TNRC6C: variants seen among roughly 807,000 people sequenced by gnomAD.
TNRC6C encodes the protein trinucleotide repeat-containing gene 6C protein.
A neutral mutation model predicts 153.7 loss-of-function variants in TNRC6C; 20 were observed. The observed-to-expected ratio is 0.13, with a 90% confidence interval of 0.09 to 0.19. TNRC6C has a LOEUF of 0.19. Ranked by LOEUF, TNRC6C falls within the 10% of genes least tolerant of loss-of-function variation. TNRC6C has a pLI of 1.00. For missense variants in TNRC6C, 1,987 were observed against 2,172.0 expected, an observed-to-expected ratio of 0.91 and a Z score of 1.69; for synonymous variants, 811 against 841.4, an observed-to-expected ratio of 0.96 and a Z score of 0.63.
intron 2 of TNRC6C, among the ~76,000 whole-genome samples, chr17:78,044,091 CTT>C (rs1188411207): frequency 6.6e-6 from 1 of 152,150 alleles, no homozygotes; most frequent in Non-Finnish European, 1.5e-5. Flanking sequence ...GGTAGTATAA[CTT>C]ATTATCAAAC....
chr17:77,981,588 G>A (rs1046737709), intron 1 of TNRC6C, among the ~76,000 whole-genome samples: 3 of 152,208 alleles, frequency 2.0e-5, no homozygotes, highest in Non-Finnish European at 4.4e-5. Flanking sequence ...TCAGGTCTTT[G>A]TAATTTATAT....
At chr17:78,085,817 T>A (rs2144488507) in intron 11 of TNRC6C, among the ~76,000 whole-genome samples, 1 of 151,372 alleles carries the variant, frequency 6.6e-6, no homozygotes, top group African/African-American at 2.4e-5. Flanking sequence ...TCAGTCTCCA[T>A]CATTATAGAA....
At chr17:77,976,273 G>C (rs1191459561) in intron 1 of TNRC6C, among the ~76,000 whole-genome samples, 2 of 152,172 alleles carry the variant, frequency 1.3e-5, no homozygotes, top group Non-Finnish European at 2.9e-5. Flanking sequence ...TCATAGACAT[G>C]ACTATAGTAA....
At chr17:78,029,225 T>C (rs769978651) in intron 1 of TNRC6C, among the ~76,000 whole-genome samples, 1 of 152,234 alleles carries the variant, frequency 6.6e-6, no homozygotes, top group Non-Finnish European at 1.5e-5. Flanking sequence ...AATTCAGTAG[T>C]ACGATCATAC....
rs926806539 is a variant in TNRC6C, at chr17:78,079,446, A to G, written c.3262A>G (p.Arg1088Gly). 4 of 1,613,988 alleles carry G rather than the reference A, an allele frequency of 2.5e-6. No homozygotes were observed. The highest frequency in any genetic ancestry group is 3.4e-6 in the Non-Finnish European group (4 of 1,179,882). ...TGGCAATAGTGGAGCAGCACAAGCCAGGACCATGCAGCAGCCGCCACAGCC... is the reference window on the plus strand; with the variant it reads ...TGGCAATAGTGGAGCAGCACAAGCCGGGACCATGCAGCAGCCGCCACAGCC... The change falls in exon 10 of 20, where the codon AGG (arginine) becomes GGG (glycine). Residue 1088 changes from arginine (R) to glycine (G), a missense_variant. Arg to Gly is a moderately radical substitution (Grantham distance 125). Around this residue, in one of 4 missense-constraint regions of TNRC6C, gnomAD observed 765 missense variants for 908.6 expected, o/e 0.84. Coordinates refer to ENST00000301624, the Ensembl canonical transcript of TNRC6C. This position sits in a 1 kb window ranked among gnomAD's most constrained non-coding sequence, Gnocchi z 4.3.
At chr17:78,082,872 G>A (rs1238370028) in intron 10 of TNRC6C, among the ~76,000 whole-genome samples, 175 bp from the exon 13 acceptor site, 1 of 152,156 alleles carries the variant, frequency 6.6e-6, no homozygotes, top group Non-Finnish European at 1.5e-5. Flanking sequence ...AGTCCTGCAT[G>A]CAATTTTGTA....
intron 2 of TNRC6C, among the ~76,000 whole-genome samples, chr17:78,040,759 T>C (rs550547050): frequency 3.3e-5 from 5 of 152,228 alleles, no homozygotes; most frequent in South Asian, 2.1e-4. Context: ...ATCGAAAGAA[T>C]TTAAAGAGGA....
intron 1 of TNRC6C, among the ~76,000 whole-genome samples, chr17:78,018,451 T>C (rs1198133124): frequency 1.3e-5 from 2 of 152,108 alleles, no homozygotes; most frequent in African/African-American, 4.8e-5. Context: ...TTTTATATAA[T>C]ACTCAGTATT....
Position 78,104,247 on chromosome 17 carries a change from C to T in TNRC6C, c.4713-238C>T, listed in dbSNP as rs1325443688. Among the ~76,000 whole-genome samples the T allele has an allele frequency of 6.6e-6, 1 of 152,216 alleles. No homozygotes were observed. Among genetic ancestry groups the T allele is most frequent in the Admixed American group, 6.5e-5 (1 of 15,290 alleles). On this transcript the variant is annotated intron_variant, in intron 19 of 19. Coordinates refer to ENST00000301624, the Ensembl canonical transcript of TNRC6C. The surrounding 1 kb of genome is among the most constrained non-coding windows in gnomAD (Gnocchi z 6.2). ...AAATGACACTGACCCTAAACGAGCC[C>T]ACATTTAATGATCTGTTCACGCACT...
At chr17:77,999,958 C>A (rs2071386398), upstream of TNRC6C, among the ~76,000 whole-genome samples, 1 of 151,856 alleles carries the variant, frequency 6.6e-6, no homozygotes, top group Admixed American at 6.6e-5. Context: ...TCGCTGGTCT[C>A]TCTCATACTC....
At chr17:78,022,939 T>G (rs371424345) in intron 1 of TNRC6C, among the ~76,000 whole-genome samples, 1 of 152,220 alleles carries the variant, frequency 6.6e-6, no homozygotes, top group Admixed American at 6.5e-5. Flanking sequence ...TAACAGCTAT[T>G]TATATAGCAT....
chr17:77,991,208 C>G (rs142883529), intron 1 of TNRC6C, among the ~76,000 whole-genome samples: 6 of 152,322 alleles, frequency 3.9e-5, no homozygotes, highest in African/African-American at 1.2e-4. Context: ...AAATCATTTT[C>G]ATCATATTCC....
At position 78,075,211 on chromosome 17, in the gene TNRC6C, A is replaced by G; in HGVS notation, c.2993A>G (p.Lys998Arg). Reference sequence around the variant, plus strand: ...ACCGACCATAATGGAATGGCCGCCAAGCCCCTCGGCTGCCGCCCGCCAATC... The same window carrying G: ...ACCGACCATAATGGAATGGCCGCCAGGCCCCTCGGCTGCCGCCCGCCAATC... The change falls in exon 8 of 20, where the codon AAG becomes AGG. Residue 998 changes from lysine (K) to arginine (R), a missense_variant. By Grantham distance (26) the Lys-to-Arg change is conservative (BLOSUM62 2). Around this residue, in one of 4 missense-constraint regions of TNRC6C, gnomAD observed 765 missense variants for 908.6 expected, o/e 0.84. Coordinates refer to ENST00000301624, the Ensembl canonical transcript of TNRC6C. The surrounding 1 kb of genome is among the most constrained non-coding windows in gnomAD (Gnocchi z 4.2). The G allele has an allele frequency of 6.3e-7, 1 of 1,597,988 alleles. No homozygotes were observed. Among genetic ancestry groups the G allele is most frequent in the Non-Finnish European group, 8.5e-7 (1 of 1,172,948 alleles).
chr17:78,012,997 G>T (rs1162777791), intron 1 of TNRC6C, among the ~76,000 whole-genome samples: 1 of 152,214 alleles, frequency 6.6e-6, no homozygotes, highest in African/African-American at 2.4e-5. Context: ...GCCACTCCCA[G>T]TTGTGCCCTA....
At chr17:77,987,470 C>G (rs958720509) in intron 1 of TNRC6C, among the ~76,000 whole-genome samples, 2 of 152,100 alleles carry the variant, frequency 1.3e-5, no homozygotes, top group African/African-American at 4.8e-5. Context: ...AAGTCTGTTT[C>G]TGGAAATCTC....
chr17:77,977,715 T>C (rs1424891253), intron 1 of TNRC6C, among the ~76,000 whole-genome samples: 1 of 152,038 alleles, frequency 6.6e-6, no homozygotes, highest in Admixed American at 6.5e-5. Flanking sequence ...GCCTAAGAAC[T>C]TAAAAAACAG....
At chr17:78,041,342 G>T (rs2072290464) in intron 2 of TNRC6C, among the ~76,000 whole-genome samples, 1 of 152,086 alleles carries the variant, frequency 6.6e-6, no homozygotes, top group Non-Finnish European at 1.5e-5. Flanking sequence ...CTTACCCATG[G>T]CTTTCCCTAC....
rs1176601495 is a variant in TNRC6C at position 78,075,105 on chromosome 17, T to G, written c.2918-31T>G. On this transcript the variant is annotated intron_variant, in intron 7 of 19. Transcript: ENST00000301624. This position sits in a 1 kb window ranked among gnomAD's most constrained non-coding sequence, Gnocchi z 4.2. ...GTGCTCAGCACTCACTTGTTTTGTTTACAACATTGCTTCTGTTTGTTGTGC... is the reference window on the plus strand; with the variant it reads ...GTGCTCAGCACTCACTTGTTTTGTTGACAACATTGCTTCTGTTTGTTGTGC... 3 of 1,609,638 alleles carry G rather than the reference T, an allele frequency of 1.9e-6. No individual in the cohort carries two copies. The highest frequency in any genetic ancestry group is 3.4e-5 in the Admixed American group (2 of 59,378).
At chr17:78,059,846 C>CAAA (rs762507955) in intron 3 of TNRC6C, among the ~76,000 whole-genome samples, 1 of 77,726 alleles carries the variant, frequency 1.3e-5, no homozygotes, top group African/African-American at 4.4e-5. Context: ...GACCCTGTCT[C>CAAA]AAAAAAAAAA....
Sources: allele counts gnomAD v4.1 joint callset (sites outside exome capture counted in the v4.1 genomes callset), GRCh38; gene constraint gnomAD v4.1.1; regional missense constraint gnomAD v4.1.1; non-coding constraint Gnocchi (gnomAD v3.1); transcripts MANE v1.5; gene names NCBI Gene and HGNC (gene_info 2026-07-23, HGNC 2026-07-21).